The following USP34 variants were observed in gnomAD, a reference collection of about 807,000 sequenced individuals.
USP34 encodes ubiquitin carboxyl-terminal hydrolase 34.
USP34 carries 70 observed loss-of-function variants against 460.3 expected under a neutral mutation model. The ratio of observed to expected loss-of-function variants is 0.15; its 90% CI spans 0.13 to 0.19. The LOEUF is 0.19. Ranked by LOEUF, USP34 falls within the 10% of genes least tolerant of loss-of-function variation. The pLI, the probability that USP34 is intolerant of heterozygous loss-of-function variation, is 1.00. For synonymous variants in USP34, 1,647 were observed against 1,405.3 expected, an observed-to-expected ratio of 1.17 and a Z score of -3.85; for missense variants, 3,985 against 4,236.2, an observed-to-expected ratio of 0.94 and a Z score of 1.65.
intron 43 of USP34, among the ~76,000 whole-genome samples, chr2:61,264,191 G>C (rs1246365351): frequency 1.3e-5 from 2 of 152,064 alleles, no homozygotes; most frequent in Admixed American, 1.3e-4. Flanking sequence ...AAATTTTAAA[G>C]TATCAATAAC....
At chr2:61,268,438 T>TTAAAAA (rs1308242934) in intron 41 of USP34, among the ~76,000 whole-genome samples, 1 of 53,376 alleles carries the variant, frequency 1.9e-5, no homozygotes, top group African/African-American at 7.4e-5. Context: ...GAGCTGTTGT[T>TTAAAAA]AAAAAAAAAA....
intron 75 of USP34, among the ~76,000 whole-genome samples, chr2:61,198,018 C>T (rs1045789620): frequency 2.0e-5 from 3 of 152,232 alleles, no homozygotes; most frequent in Non-Finnish European, 2.9e-5. Flanking sequence ...CTCAGCCTCC[C>T]AAAGTGCTGG....
At chr2:61,216,910 T>A (rs1572842992) in intron 67 of USP34, among the ~76,000 whole-genome samples, 1 of 147,198 alleles carries the variant, frequency 6.8e-6, no homozygotes. Flanking sequence ...GGGGCAAGAC[T>A]CCATCTCAAA....
chr2:61,287,715 T>C (rs1689730961), intron 34 of USP34, among the ~76,000 whole-genome samples: 1 of 152,232 alleles, frequency 6.6e-6, no homozygotes, highest in Non-Finnish European at 1.5e-5. Context: ...TATAATAGTA[T>C]TAACATACAA....
intron 1 of USP34, among the ~76,000 whole-genome samples, chr2:61,422,089 G>A (rs542395677): frequency 2.6e-5 from 4 of 152,326 alleles, no homozygotes; most frequent in South Asian, 2.1e-4. Flanking sequence ...CCTGGAAGCC[G>A]AAGACACTAC....
intron 72 of USP34, among the ~76,000 whole-genome samples, chr2:61,205,195 C>T (rs1687082744): frequency 6.6e-6 from 1 of 152,088 alleles, no homozygotes; most frequent in Non-Finnish European, 1.5e-5. Context: ...TAAAATCAAC[C>T]AAAACAGCTT....
chr2:61,291,926 T>C (rs952042103), intron 33 of USP34, among the ~76,000 whole-genome samples: 6 of 152,106 alleles, frequency 3.9e-5, no homozygotes, highest in African/African-American at 1.4e-4. Flanking sequence ...AGGATGAATC[T>C]CGAAAATAGG....
At chr2:61,364,697 G>C (rs1221407875) in intron 10 of USP34, among the ~76,000 whole-genome samples, 2 of 152,166 alleles carry the variant, frequency 1.3e-5, no homozygotes, top group East Asian at 3.8e-4. Flanking sequence ...GGGAGGTCGA[G>C]ACAGGCAGAT....
intron 2 of USP34, among the ~76,000 whole-genome samples, chr2:61,419,172 T>C (rs1001230128): frequency 2.0e-5 from 3 of 152,000 alleles, no homozygotes; most frequent in African/African-American, 4.8e-5. Flanking sequence ...TCCATGTCTA[T>C]CTAGATCCAA....
intron 48 of USP34, among the ~76,000 whole-genome samples, chr2:61,251,794 C>T (rs1289960097): frequency 1.3e-5 from 2 of 152,040 alleles, no homozygotes; most frequent in African/African-American, 2.4e-5. Context: ...ACATCAAATG[C>T]CATAAAAGCT....
chr2:61,192,038 T>G (rs1030579156), intron 76 of USP34, among the ~76,000 whole-genome samples: 3 of 152,250 alleles, frequency 2.0e-5, no homozygotes, highest in Non-Finnish European at 2.9e-5. Flanking sequence ...TTTGGAAAAG[T>G]AGAGAAACCA....
chr2:61,453,920 G>A (rs1285193601), intron 1 of USP34, among the ~76,000 whole-genome samples: 2 of 151,740 alleles, frequency 1.3e-5, no homozygotes, highest in Non-Finnish European at 2.9e-5. Flanking sequence ...TGTATTTTGG[G>A]TAGAAACAGG....
At chr2:61,231,379 T>C (rs980188289) in intron 58 of USP34, among the ~76,000 whole-genome samples, 1 of 151,978 alleles carries the variant, frequency 6.6e-6, no homozygotes, top group Non-Finnish European at 1.5e-5. Context: ...ACCACTAAAT[T>C]TTACATTTTG....
intron 18 of USP34, among the ~76,000 whole-genome samples, chr2:61,337,370 C>A (rs1242533214): frequency 6.6e-6 from 1 of 151,134 alleles, no homozygotes; most frequent in Non-Finnish European, 1.5e-5. Context: ...TATAGTATTT[C>A]AATGAATAGT....
intron 57 of USP34, among the ~76,000 whole-genome samples, chr2:61,232,976 T>C (rs1411942111): frequency 1.3e-5 from 2 of 149,522 alleles, no homozygotes; most frequent in Non-Finnish European, 3.0e-5. Flanking sequence ...TTCAAGTGAT[T>C]CTCCTCCCGA....
chr2:61,248,466 A>C (rs1459508638), intron 49 of USP34, 45 bp downstream of exon 49: 1 of 1,497,152 alleles, frequency 6.7e-7, no homozygotes, highest in Admixed American at 2.1e-5. Context: ...CTTGTTATGG[A>C]GATTGACAAT....
chr2:61,336,273 G>T (rs921153), intron 18 of USP34, among the ~76,000 whole-genome samples: 2 of 151,298 alleles, frequency 1.3e-5, no homozygotes, highest in Admixed American at 1.3e-4. Context: ...CTACAGGTAC[G>T]GGCCACCATG....
intron 10 of USP34, among the ~76,000 whole-genome samples, chr2:61,355,202 G>A (rs1692067230): frequency 1.3e-5 from 2 of 152,234 alleles, no homozygotes; most frequent in South Asian, 4.1e-4. Flanking sequence ...TAGGGTACAA[G>A]ATGAATAAAT....
chr2:61,298,730 C>T (rs947917812), intron 29 of USP34, among the ~76,000 whole-genome samples: 1 of 151,466 alleles, frequency 6.6e-6, no homozygotes, highest in African/African-American at 2.4e-5. Flanking sequence ...TTTCTAAAAG[C>T]CCAGAAAAGA....
Sources: allele counts gnomAD v4.1 joint callset (sites outside exome capture counted in the v4.1 genomes callset), GRCh38; gene constraint gnomAD v4.1.1; transcripts MANE v1.5; gene names NCBI Gene and HGNC (gene_info 2026-07-23, HGNC 2026-07-21).